Variants in DOCK5 observed in about 807,000 individuals in gnomAD.
The protein encoded by DOCK5 is dedicator of cytokinesis protein 5.
DOCK5 carries 142 observed loss-of-function variants against 251.8 expected under a neutral mutation model. That is an observed-to-expected ratio of 0.56 (90% CI 0.49 to 0.65). The LOEUF (loss-of-function observed/expected upper bound fraction) is 0.65. Among genes scored for constraint, DOCK5 ranks in the 30% least tolerant of loss-of-function variants. The pLI, the probability that DOCK5 is intolerant of heterozygous loss-of-function variation, is 0.00. For missense variants in DOCK5, 2,111 were observed against 2,312.3 expected (o/e 0.91, Z 1.79); for synonymous variants, 842 against 835.5 (o/e 1.01, Z -0.13).
chr8:25,186,958 G>T (rs952499803), intron 1 of DOCK5, among the ~76,000 whole-genome samples: 7 of 151,874 alleles, frequency 4.6e-5, no homozygotes, highest in Non-Finnish European at 7.4e-5. Context: ...CCAACAATTT[G>T]GGTGGCAGAG....
At chr8:25,257,676 G>A (rs1262361248) in intron 2 of DOCK5, among the ~76,000 whole-genome samples, 1 of 152,114 alleles carries the variant, frequency 6.6e-6, no homozygotes, top group Non-Finnish European at 1.5e-5. Context: ...CTGTCCTGGA[G>A]GGAGATCAGG....
Position 25,184,926 on chromosome 8 carries a change from G to A in DOCK5, c.18G>A (p.Pro6=), listed in dbSNP as rs1349586857. 1 of 1,443,296 alleles carries A rather than the reference G, an allele frequency of 6.9e-7. No individual in the cohort carries two copies. The highest frequency in any genetic ancestry group is 1.5e-5 in the African/African-American group (1 of 68,800). The allele number at this position is 1,443,296 out of a possible 1,614,324, so 89.4% of individuals were successfully genotyped here. A position where few individuals can be genotyped will look rare whatever the true frequency, so the allele number is the denominator to read the frequency against. ...TCGCCGCCATGGCCCGCTGGATCCC[G>A]ACCAAGAGGCAGAAGTACGGGGTTG... MARWI[P]TKRQKYGVAI... is the part of the protein sequence containing the mutation. The change falls in exon 1 of 52, where the codon CCG becomes CCA. Residue 6 remains proline (P), a synonymous_variant. Transcript: ENST00000276440.
chr8:25,213,364 C>CA (rs34974024), intron 1 of DOCK5, among the ~76,000 whole-genome samples: 19,805 of 74,316 alleles, frequency 0.27, 2,592 homozygotes, highest in African/African-American at 0.43. Flanking sequence ...ATGAATGTAG[C>CA]AAAAAAAAAA....
At position 25,340,882 on chromosome 8, in the gene DOCK5, A is replaced by T. The variant is rs776113648; in HGVS notation, c.2333A>T (p.Tyr778Phe). ...TTTGTCTTTTTCCTATTAAGATTTT[A>T]TGGGCAGAGCAAAGATGGAGATGAG... ...IQSRVLYLRF[Y>F]GQSKDGDEFN... The change falls in exon 23 of 52, where the codon TAT becomes TTT. Residue 778 changes from tyrosine (Y) to phenylalanine (F), a missense_variant. Tyr to Phe is a conservative substitution (Grantham distance 22, BLOSUM62 3). This residue lies in a region of DOCK5 where 1,717 missense variants were observed against 1,892.4 expected (regional missense o/e 0.91). Transcript: ENST00000276440. 1 of 1,613,010 alleles carries T rather than the reference A, an allele frequency of 6.2e-7. No homozygotes were observed. Among genetic ancestry groups the T allele is most frequent in the African/African-American group, 1.3e-5 (1 of 74,934 alleles).
At chr8:25,229,229 C>T (rs552544926) in intron 1 of DOCK5, among the ~76,000 whole-genome samples, 6 of 152,256 alleles carry the variant, frequency 3.9e-5, no homozygotes, top group East Asian at 1.9e-4. Flanking sequence ...CGTCTGTAAT[C>T]GCAGCACTTT....
At chr8:25,189,292 G>T (rs926549359) in intron 1 of DOCK5, among the ~76,000 whole-genome samples, 1 of 151,880 alleles carries the variant, frequency 6.6e-6, no homozygotes, top group East Asian at 1.9e-4. Context: ...TCTTGGCCTC[G>T]TGTGCTCCTT....
intron 42 of DOCK5, among the ~76,000 whole-genome samples, chr8:25,391,430 G>A (rs904839764): frequency 6.6e-6 from 1 of 151,920 alleles, no homozygotes; most frequent in African/African-American, 2.4e-5. Flanking sequence ...GAGGTCAGGA[G>A]TTCAAGACCA....
At position 25,339,966 on chromosome 8, in the gene DOCK5, G is replaced by A. The variant is rs539823655; in HGVS notation, c.2328-911G>A. Among the ~76,000 whole-genome samples, 22 of 152,332 alleles carry A rather than the reference G, an allele frequency of 1.4e-4. No individual in the cohort carries two copies. The East Asian group carries it at 3.9e-3, about 27-fold the overall frequency. On this transcript the variant is annotated intron_variant, in intron 22 of 51. Coordinates refer to ENST00000276440, the MANE Select transcript of DOCK5 (RefSeq NM_024940.8). ...TGAGATACTCCAGCCCCATCTCAGA[G>A]GCAGATGGAGAGAATGGACTGATTC...
At chr8:25,409,690 C>CA (rs1269192659) in intron 50 of DOCK5, 20 of 155,518 alleles carry the variant, frequency 1.3e-4, no homozygotes, top group African/African-American at 4.3e-4. Flanking sequence ...CTAAAAAATA[C>CA]AAAAAATTAG....
intron 11 of DOCK5, among the ~76,000 whole-genome samples, chr8:25,306,680 C>T (rs1027056195): frequency 6.6e-5 from 10 of 150,626 alleles, no homozygotes; most frequent in Middle Eastern, 3.4e-3. Flanking sequence ...GGCGACAGAG[C>T]GAGACTCCGT....
At chr8:25,241,432 C>G (rs760328677) in intron 1 of DOCK5, among the ~76,000 whole-genome samples, 22 of 151,710 alleles carry the variant, frequency 1.5e-4, no homozygotes, top group South Asian at 2.1e-4. Context: ...GAGCCAAGAT[C>G]ACTCCACTGC....
At chr8:25,230,476 T>C (rs1272467489) in intron 1 of DOCK5, among the ~76,000 whole-genome samples, 1 of 152,200 alleles carries the variant, frequency 6.6e-6, no homozygotes, top group African/African-American at 2.4e-5. Flanking sequence ...CTTTTGTCAT[T>C]ATGATCCTCT....
intron 1 of DOCK5, among the ~76,000 whole-genome samples, chr8:25,229,675 A>G (rs924397674): frequency 1.3e-5 from 2 of 152,158 alleles, no homozygotes; most frequent in Non-Finnish European, 2.9e-5. Flanking sequence ...TTACATATAT[A>G]TATGAAGAAG....
intron 21 of DOCK5, among the ~76,000 whole-genome samples, chr8:25,334,988 A>G (rs1435860939): frequency 1.3e-5 from 2 of 152,162 alleles, no homozygotes; most frequent in Non-Finnish European, 2.9e-5. Context: ...CCTGCCTTCT[A>G]TCATTGGTTT....
At chr8:25,395,973 G>A in intron 45 of DOCK5, 1 of 565,712 alleles carries the variant, frequency 1.8e-6, no homozygotes, top group Admixed American at 2.8e-5. Flanking sequence ...CAAAGCACCT[G>A]TTATTCTGTC....
At chr8:25,202,406 C>G (rs899296706) in intron 1 of DOCK5, among the ~76,000 whole-genome samples, 1 of 152,184 alleles carries the variant, frequency 6.6e-6, no homozygotes, top group East Asian at 1.9e-4. Context: ...TACTCACTCA[C>G]TGGCTTAGAA....
At chr8:25,409,012 T>G (rs1014755736) in intron 50 of DOCK5, 72 bp downstream of exon 50, 1 of 1,594,402 alleles carries the variant, frequency 6.3e-7, no homozygotes, top group Admixed American at 1.7e-5. Context: ...GGGCAGTTTG[T>G]AACTAAACCA....
chr8:25,307,714 T>C (rs1185096182), intron 11 of DOCK5, among the ~76,000 whole-genome samples: 1 of 152,190 alleles, frequency 6.6e-6, no homozygotes, highest in Non-Finnish European at 1.5e-5. Flanking sequence ...GTCCTGAGAT[T>C]GTCCCCACTG....
At chr8:25,334,501 A>G (rs1029048246) in intron 21 of DOCK5, among the ~76,000 whole-genome samples, 1 of 152,178 alleles carries the variant, frequency 6.6e-6, no homozygotes, top group Non-Finnish European at 1.5e-5. Context: ...GCTTGAGGCC[A>G]GGAATTCAAG....
Sources: gnomAD v4.1 joint callset for allele counts (sites outside exome capture counted in the v4.1 genomes callset) on GRCh38, gnomAD v4.1.1 for gene constraint, gnomAD v4.1.1 regional missense constraint, MANE v1.5 for transcripts, NCBI Gene and HGNC (gene_info 2026-07-23, HGNC 2026-07-21) for gene names.